The following GLIS2 variants were observed in gnomAD, a reference collection of about 807,000 sequenced individuals.
The protein encoded by GLIS2 is zinc finger protein GLIS2.
In GLIS2, 14 loss-of-function variants were observed where a neutral mutation model predicts 35.6. The observed-to-expected ratio is 0.39, with a 90% CI of 0.26 to 0.61. GLIS2 has a LOEUF of 0.61. Ranked by LOEUF, GLIS2 falls within the 20% of genes least tolerant of loss-of-function variation. The pLI is 0.48. For synonymous variants in GLIS2, 368 were observed against 325.1 expected, an observed-to-expected ratio of 1.13 and a Z score of -1.42; for missense variants, 675 against 713.4, an observed-to-expected ratio of 0.95 and a Z score of 0.61.
At chr16:4,315,577 C>T (rs1018523681), upstream of GLIS2, 1 of 151,654 alleles carries the variant, frequency 6.6e-6, no homozygotes, top group Admixed American at 6.6e-5. Flanking sequence ...TCGGGCTTCC[C>T]CGAGGGCGGG....
rs144263133 is a variant in GLIS2 at position 4,337,508 on chromosome 16, C to T, written c.1559C>T (p.Pro520Leu). The change falls in exon 7 of 7, where the codon CCG (proline) becomes CTG (leucine). Residue 520 changes from proline to leucine, a missense_variant. Pro to Leu is a moderately conservative substitution (Grantham distance 98, BLOSUM62 -3). This residue lies in a region of GLIS2 where 317 missense variants were observed against 283.2 expected (regional missense o/e 1.12). Coordinates refer to ENST00000433375, the MANE Select transcript of GLIS2 (RefSeq NM_032575.3). ...CCGCCGGGCTCGGTGCTGCTCAAAC[C>T]GGCTGTGGTGAACTGAGCCCATCCT... ...VIPPGSVLLK[P>L]AVVN 1.7e-5 allele frequency: 27 copies of T among 1,561,078 alleles called. No individual in the cohort carries two copies. The highest frequency in any genetic ancestry group is 9.3e-5 in the Admixed American group (5 of 53,974).
At position 4,335,753 on chromosome 16, in the gene GLIS2, A is replaced by C; in HGVS notation, c.775+360A>C. On this transcript the variant is annotated intron_variant, in intron 6 of 6. Coordinates refer to ENST00000433375, the MANE Select transcript of GLIS2 (RefSeq NM_032575.3). This position sits in a 1 kb window ranked among gnomAD's most constrained non-coding sequence, Gnocchi z 4.6. Reference sequence around the variant, plus strand: ...GTCAGAGCCACAGACATAATTTTACATTTCCTAATCGCTGCATAAAACACA... The same window carrying C: ...GTCAGAGCCACAGACATAATTTTACCTTTCCTAATCGCTGCATAAAACACA... The C allele has an allele frequency of 3.4e-6, 1 of 292,964 alleles. No individual in the cohort carries two copies. Among genetic ancestry groups the C allele is most frequent in the Non-Finnish European group, 6.5e-6 (1 of 153,486 alleles). 18.1% of individuals were successfully genotyped at this position (292,964 alleles called of 1,614,324 possible). A position where few individuals can be genotyped will look rare whatever the true frequency, so the allele number is the denominator to read the frequency against.
At chr16:4,334,670 C>T in intron 3 of GLIS2, 131 bp from the exon 4 acceptor site, 1 of 1,042,990 alleles carries the variant, frequency 9.6e-7, no homozygotes, top group Non-Finnish European at 1.5e-6. Flanking sequence ...AATAAGGCCA[C>T]ATGCACAGGT....
At chr16:4,319,801 T>C (rs1597331685) in intron 1 of GLIS2, among the ~76,000 whole-genome samples, 5 of 152,162 alleles carry the variant, frequency 3.3e-5, no homozygotes, top group African/African-American at 1.2e-4. Context: ...AGACCCAGGT[T>C]TCTCTCCTGG....
Position 4,335,812 on chromosome 16 carries a change from G to T in GLIS2, c.775+419G>T. On this transcript the variant is annotated intron_variant, in intron 6 of 6. Coordinates refer to ENST00000433375, the MANE Select transcript of GLIS2 (RefSeq NM_032575.3). The surrounding 1 kb of genome is among the most constrained non-coding windows in gnomAD (Gnocchi z 4.6). ...AAATGGGTGAAATTAATTGTAATAT[G>T]GTTCGTTGACCCCGGTACATCCAAC... 1 of 236,914 alleles carries T rather than the reference G, an allele frequency of 4.2e-6. No homozygotes were observed. Among genetic ancestry groups the T allele is most frequent in the Non-Finnish European group, 8.4e-6 (1 of 118,802 alleles). The allele number at this position is 236,914 out of a possible 1,614,324, so 14.7% of individuals were successfully genotyped here.
At chr16:4,329,814 G>A (rs939226719) in intron 1 of GLIS2, among the ~76,000 whole-genome samples, 3 of 152,210 alleles carry the variant, frequency 2.0e-5, no homozygotes, top group African/African-American at 7.2e-5. Context: ...GTGATTGTGC[G>A]GCAGTTAGAT....
intron 1 of GLIS2, among the ~76,000 whole-genome samples, chr16:4,317,077 C>T (rs948015896): frequency 1.3e-5 from 2 of 152,158 alleles, no homozygotes; most frequent in Non-Finnish European, 2.9e-5. Flanking sequence ...AGCAGGGCAG[C>T]GTGCAGCCTG....
intron 1 of GLIS2, among the ~76,000 whole-genome samples, chr16:4,327,872 C>A (rs1383698319): frequency 6.6e-6 from 1 of 152,138 alleles, no homozygotes; most frequent in African/African-American, 2.4e-5. Flanking sequence ...GCCGGTTCCG[C>A]GGCCACCCCC....
At chr16:4,336,457 T>C (rs998984918) in intron 6 of GLIS2, 2 of 601,670 alleles carry the variant, frequency 3.3e-6, no homozygotes, top group South Asian at 1.9e-5. Flanking sequence ...TCCAAGGCCA[T>C]GTTCTGCTGC....
chr16:4,327,960 A>C (rs1596237009), intron 1 of GLIS2, among the ~76,000 whole-genome samples: 1 of 139,360 alleles, frequency 7.2e-6, no homozygotes, highest in South Asian at 2.5e-4. Flanking sequence ...GGCGCATCCC[A>C]GGCTGAGTGC....
chr16:4,334,863 C>G lies in GLIS2; in HGVS notation c.408C>G (p.Leu136=). The part of the protein sequence containing the change: ...VPSSFQFFLP[L]GSGGALHLPA... ...GCTCCTTCCAGTTCTTCCTGCCCCT[C>G]GGCTCCGGGGGGGCCCTGCACCTGC... Residue 136 remains leucine (L), a synonymous_variant, in exon 4 of 7, where the codon CTC becomes CTG. Transcript: ENST00000433375. 1 of 1,613,342 alleles carries G rather than the reference C, an allele frequency of 6.2e-7. No individual in the cohort carries two copies. Among genetic ancestry groups the G allele is most frequent in the Non-Finnish European group, 8.5e-7 (1 of 1,180,004 alleles).
intron 1 of GLIS2, among the ~76,000 whole-genome samples, chr16:4,327,732 C>T (rs1294525553): frequency 3.2e-4 from 46 of 141,992 alleles, no homozygotes; most frequent in African/African-American, 1.1e-3. Context: ...AGGGCCCGGT[C>T]CCCCGAAGCC....
intron 1 of GLIS2, among the ~76,000 whole-genome samples, chr16:4,321,780 C>T (rs961077688): frequency 6.6e-6 from 1 of 152,206 alleles, no homozygotes; most frequent in Admixed American, 6.5e-5. Flanking sequence ...CACTCCCAGG[C>T]TCCCTTCTTG....
chr16:4,335,280 A>G lies in GLIS2; in HGVS notation c.662A>G (p.Lys221Arg). 1 of 1,613,830 alleles carries G rather than the reference A, an allele frequency of 6.2e-7. No individual in the cohort carries two copies. Residue 221 changes from lysine to arginine, a missense_variant, in exon 6 of 7, where the codon AAG (lysine) becomes AGG (arginine). Physicochemically the swap from Lys to Arg is conservative, Grantham distance 26 (BLOSUM62 2). Transcript: ENST00000433375. The surrounding 1 kb of genome is among the most constrained non-coding windows in gnomAD (Gnocchi z 4.6). ...CCCCGCCCTCCCTGGAGCAGGTACA[A>G]GATGCTCATCCACATCCGCACACAC... ...RHGRGFNARYKMLIHIRTHTN... is the reference protein window; with the variant it reads ...RHGRGFNARYRMLIHIRTHTN...
At chr16:4,331,937 G>A (rs1468566076) in intron 1 of GLIS2, among the ~76,000 whole-genome samples, 5 of 152,116 alleles carry the variant, frequency 3.3e-5, no homozygotes, top group African/African-American at 1.2e-4. Flanking sequence ...GTGACAGAGC[G>A]AGACTCTGTC....
intron 1 of GLIS2, among the ~76,000 whole-genome samples, chr16:4,330,791 AG>A (rs1172620564): frequency 6.6e-6 from 1 of 152,234 alleles, no homozygotes; most frequent in East Asian, 1.9e-4. Context: ...TGTTGGGAAC[AG>A]GCCCCCCAAA....
At position 4,320,160 on chromosome 16, in the gene GLIS2, G is replaced by A. The variant is rs922231068; in HGVS notation, c.-67+3906G>A. 1.3e-5 allele frequency among the ~76,000 whole-genome samples: 2 copies of A among 152,114 alleles called. No individual in the cohort carries two copies. The highest frequency in any genetic ancestry group is 6.5e-5 in the Admixed American group (1 of 15,274). ...GTGAGTGTCACATGTGCGTGCACAC[G>A]GACTCCAGCCTTGGCAGATGGCTGC... is the stretch of plus-strand genomic sequence containing the variant. On this transcript the variant is annotated intron_variant, in intron 1 of 6. Transcript: ENST00000433375. This position sits in a 1 kb window ranked among gnomAD's most constrained non-coding sequence, Gnocchi z 5.6.
chr16:4,318,564 A>T (rs975035452), intron 1 of GLIS2, among the ~76,000 whole-genome samples: 2 of 150,212 alleles, frequency 1.3e-5, no homozygotes, highest in African/African-American at 4.8e-5. Context: ...CCCCGCCTGA[A>T]CTCCCCTTGC....
Position 4,332,383 on chromosome 16 carries a change from G to T in GLIS2, c.103G>T (p.Ala35Ser). 8.7e-6 allele frequency: 14 copies of T among 1,613,004 alleles called. No individual in the cohort carries two copies. The highest frequency in any genetic ancestry group is 1.3e-5 in the African/African-American group (1 of 75,056). Residue 35 changes from alanine (A) to serine (S), a missense_variant, in exon 2 of 7, where the codon GCT (alanine) becomes TCT (serine). By Grantham distance (99) the Ala-to-Ser change is moderately conservative. This residue lies in a region of GLIS2 where 225 missense variants were observed against 238.7 expected (regional missense o/e 0.94). Transcript: ENST00000433375. This position sits in a 1 kb window ranked among gnomAD's most constrained non-coding sequence, Gnocchi z 5.4. ...ERTLGVVRPRALHRELGLVDD... is the reference protein window; with the variant it reads ...ERTLGVVRPRSLHRELGLVDD... ...GACGCTGGGTGTGGTCCGGCCCCGT[G>T]CTCTGCACAGGGAGCTGGGCCTGGT...
Sources: allele counts gnomAD v4.1 joint callset (sites outside exome capture counted in the v4.1 genomes callset), GRCh38; gene constraint gnomAD v4.1.1; regional missense constraint gnomAD v4.1.1; non-coding constraint Gnocchi (gnomAD v3.1); transcripts MANE v1.5; gene names NCBI Gene and HGNC (gene_info 2026-07-23, HGNC 2026-07-21).